The following DHRS7B variants were observed in gnomAD, a reference collection of about 807,000 sequenced individuals.
DHRS7B encodes dehydrogenase/reductase 7B, also known as peroxisomal reductase activating PPAR-gamma.
DHRS7B carries 24 observed loss-of-function variants against 26.4 expected under a neutral mutation model. That is an observed-to-expected ratio of 0.91 (90% CI 0.66 to 1.28). The LOEUF (loss-of-function observed/expected upper bound fraction) is 1.28. Ranked by LOEUF, DHRS7B falls within the 50% of genes most tolerant of loss-of-function variation. DHRS7B has a pLI of 0.00. For missense variants in DHRS7B, 368 were observed against 419.4 expected, an observed-to-expected ratio of 0.88 and a Z score of 1.07; for synonymous variants, 142 against 166.4, an observed-to-expected ratio of 0.85 and a Z score of 1.13.
intron 1 of DHRS7B, among the ~76,000 whole-genome samples, chr17:21,141,154 T>A (rs1450419675): frequency 1.3e-5 from 2 of 152,186 alleles, no homozygotes; most frequent in African/African-American, 4.8e-5. Flanking sequence ...CCTGCAAGCC[T>A]GCTGCATGTC....
chr17:21,163,790 G>A (rs925896106), intron 1 of DHRS7B, among the ~76,000 whole-genome samples: 1 of 152,094 alleles, frequency 6.6e-6, no homozygotes, highest in Non-Finnish European at 1.5e-5. Context: ...TGGGTCTCAA[G>A]TGATCCTCCC....
chr17:21,149,742 C>T (rs1200280042), intron 1 of DHRS7B, among the ~76,000 whole-genome samples: 3 of 151,804 alleles, frequency 2.0e-5, no homozygotes, highest in African/African-American at 7.3e-5. Context: ...TTTTGTAAGC[C>T]TCATGGGAAC....
At chr17:21,143,153 T>TCC (rs1278725804) in intron 1 of DHRS7B, among the ~76,000 whole-genome samples, 1 of 152,218 alleles carries the variant, frequency 6.6e-6, no homozygotes, top group Non-Finnish European at 1.5e-5. Context: ...AGTCTCGAAC[T>TCC]CGACCTCAGG....
chr17:21,181,964 G>A (rs1974523405), intron 3 of DHRS7B, among the ~76,000 whole-genome samples: 1 of 152,176 alleles, frequency 6.6e-6, no homozygotes, highest in Non-Finnish European at 1.5e-5. Flanking sequence ...AGCACTTCCA[G>A]TACAATGTTG....
At chr17:21,171,767 GC>G in intron 1 of DHRS7B, 1 of 609,606 alleles carries the variant, frequency 1.6e-6, no homozygotes, top group Non-Finnish European at 3.0e-6. Flanking sequence ...GGCAATCTCC[GC>G]TTGTTCCCTG....
Position 21,150,432 on chromosome 17 carries a change from C to T in DHRS7B, c.21-21586C>T, listed in dbSNP as rs532391413. On this transcript the variant is annotated intron_variant, in intron 1 of 6. Transcript: ENST00000395511. ...AGGAGTTTGAGACCAGCCTGGCCAA[C>T]TTGGTGAAACCCCGTCTCTACTACA... Among the ~76,000 whole-genome samples, 10 of 152,074 alleles carry T rather than the reference C, an allele frequency of 6.6e-5. No homozygotes were observed. The South Asian group carries it at 1.9e-3, about 28-fold the overall frequency.
chr17:21,127,756 C>G (rs17692444), intron 1 of DHRS7B: 79,139 of 152,036 alleles, frequency 0.52, 22,667 homozygotes, highest in African/African-American at 0.78. Context: ...CCAAACCTTC[C>G]ATGTAGTGAT....
At chr17:21,140,987 GT>G (rs1973494339) in intron 1 of DHRS7B, among the ~76,000 whole-genome samples, 1 of 152,116 alleles carries the variant, frequency 6.6e-6, no homozygotes, top group Non-Finnish European at 1.5e-5. Context: ...GGACTACACA[GT>G]ATGTCAGCAC....
At position 21,184,449 on chromosome 17, in the gene DHRS7B, C is replaced by G. The variant is rs1339383396; in HGVS notation, c.605C>G (p.Pro202Arg). ...AGCATCCAGGGCAAGATGAGCATTC[C>G]TTTTCGATCAGCATGTGAGTACTTC... ...ISSIQGKMSIPFRSAYAASKH... is the reference protein window; with the variant it reads ...ISSIQGKMSIRFRSAYAASKH... The change falls in exon 5 of 7, where the codon CCT (proline) becomes CGT (arginine). Residue 202 changes from proline to arginine, a missense_variant. Transcript: ENST00000395511. The G allele has an allele frequency of 6.2e-7, 1 of 1,614,036 alleles. No homozygotes were observed. The highest frequency in any genetic ancestry group is 1.3e-5 in the African/African-American group (1 of 74,926).
chr17:21,177,941 A>G (rs1304176403), intron 2 of DHRS7B, among the ~76,000 whole-genome samples: 1 of 152,254 alleles, frequency 6.6e-6, no homozygotes, highest in Non-Finnish European at 1.5e-5. Flanking sequence ...CTGTGAAGAT[A>G]GGTGATGCTC....
At chr17:21,136,418 G>A (rs970820196) in intron 1 of DHRS7B, among the ~76,000 whole-genome samples, 1 of 145,590 alleles carries the variant, frequency 6.9e-6, no homozygotes, top group East Asian at 2.0e-4. Context: ...GATACATGGA[G>A]GCTGAATCAC....
chr17:21,168,656 A>G (rs763444323), intron 1 of DHRS7B: 7 of 936,852 alleles, frequency 7.5e-6, no homozygotes, highest in Non-Finnish European at 8.9e-6. Context: ...GGCGCGAGGC[A>G]CTGCGTTTGG....
At chr17:21,180,596 A>G (rs1974495301) in intron 3 of DHRS7B, among the ~76,000 whole-genome samples, 2 of 151,620 alleles carry the variant, frequency 1.3e-5, no homozygotes, top group Non-Finnish European at 2.9e-5. Context: ...TGTGCCATTC[A>G]GTTGGTCTAT....
intron 1 of DHRS7B, among the ~76,000 whole-genome samples, chr17:21,152,377 A>T (rs1163978695): frequency 6.6e-6 from 1 of 151,848 alleles, no homozygotes; most frequent in East Asian, 1.9e-4. Flanking sequence ...CTAGTGTCGA[A>T]CTCCTGGACT....
At chr17:21,154,033 C>T (rs1008259868) in intron 1 of DHRS7B, among the ~76,000 whole-genome samples, 9 of 152,074 alleles carry the variant, frequency 5.9e-5, no homozygotes, top group South Asian at 2.1e-4. Flanking sequence ...CTAGGTTGGG[C>T]ATGGTTGCTC....
intron 1 of DHRS7B, among the ~76,000 whole-genome samples, chr17:21,142,449 GAGTATAAAAC>G (rs1973538392): frequency 2.6e-5 from 4 of 152,228 alleles, no homozygotes. Context: ...TTCCTTTTCT[GAGTATAAAAC>G]AATATAAAAC....
At chr17:21,147,508 A>G (rs1973667427) in intron 1 of DHRS7B, among the ~76,000 whole-genome samples, 1 of 152,194 alleles carries the variant, frequency 6.6e-6, no homozygotes, top group Non-Finnish European at 1.5e-5. Context: ...TGAAGATGAG[A>G]CAGTTCTCGA....
At chr17:21,165,262 C>T (rs115792048) in intron 1 of DHRS7B, among the ~76,000 whole-genome samples, 1,603 of 151,700 alleles carry the variant, frequency 0.011, 26 homozygotes, top group African/African-American at 0.037. Context: ...GGGGTGGGTG[C>T]GGGGGGCCTG....
chr17:21,140,531 CACA>C (rs1567616917), intron 1 of DHRS7B, among the ~76,000 whole-genome samples: 2 of 150,550 alleles, frequency 1.3e-5, no homozygotes, highest in Admixed American at 1.3e-4. Flanking sequence ...CACACACACA[CACA>C]CACACCCTGA....
Sources: allele counts gnomAD v4.1 joint callset (sites outside exome capture counted in the v4.1 genomes callset), GRCh38; gene constraint gnomAD v4.1.1; transcripts MANE v1.5; gene names NCBI Gene and HGNC (gene_info 2026-07-23, HGNC 2026-07-21).